Variants in EPHA6 observed in about 807,000 individuals in gnomAD.
EPHA6 encodes the protein EPH receptor A6, also known as ephrin type-A receptor 6.
EPHA6 carries 50 observed loss-of-function variants against 112.0 expected under a neutral mutation model. That is an observed-to-expected ratio of 0.45 (90% CI 0.36 to 0.56). The LOEUF is 0.56. Ranked by LOEUF, EPHA6 falls within the 20% of genes least tolerant of loss-of-function variation. The pLI, the probability that EPHA6 is intolerant of heterozygous loss-of-function variation, is 0.00. For synonymous variants in EPHA6, 529 were observed against 490.7 expected (o/e 1.08, Z -1.03); for missense variants, 1,280 against 1,417.4 (o/e 0.90, Z 1.56).
At position 97,755,577 on chromosome 3, in the gene EPHA6, C is replaced by T. The variant is rs1352841012; in HGVS notation, c.*6876C>T. On this transcript the variant is annotated 3_prime_UTR_variant, in exon 18 of 18. Transcript: ENST00000389672. The stretch of plus-strand genomic sequence containing the variant: ...ACAGGGTCTCCATCTCATTATCCCT[C>T]GCTGAAGTGAGAACTATCTTTATCC... Among the ~76,000 whole-genome samples the T allele has an allele frequency of 6.6e-6, 1 of 152,080 alleles. No homozygotes were observed. The highest frequency in any genetic ancestry group is 2.4e-5 in the African/African-American group (1 of 41,400).
At chr3:97,318,406 C>T (rs780634371) in intron 5 of EPHA6, among the ~76,000 whole-genome samples, 26 of 151,978 alleles carry the variant, frequency 1.7e-4, no homozygotes, top group Non-Finnish European at 3.2e-4. Flanking sequence ...GCCTCTGGTG[C>T]CCACCTATCG....
At chr3:97,528,127 G>A (rs1326706076) in intron 10 of EPHA6, among the ~76,000 whole-genome samples, 1 of 152,072 alleles carries the variant, frequency 6.6e-6, no homozygotes, top group Non-Finnish European at 1.5e-5. Context: ...GTTTTGGGGT[G>A]GCACAATGAC....
chr3:97,052,136 C>G (rs549081954), intron 3 of EPHA6, among the ~76,000 whole-genome samples: 22 of 152,018 alleles, frequency 1.4e-4, no homozygotes, highest in Non-Finnish European at 3.2e-4. Context: ...TAATAGGTGA[C>G]CAAACTGGGA....
At chr3:97,010,332 A>G (rs1399417220) in intron 3 of EPHA6, among the ~76,000 whole-genome samples, 1 of 152,172 alleles carries the variant, frequency 6.6e-6, no homozygotes, top group Non-Finnish European at 1.5e-5. Flanking sequence ...AATACAGCCA[A>G]GTTATTCATT....
chr3:97,747,323 A>T (rs753948911), intron 16 of EPHA6, 100 bp from the exon 17 acceptor site: 1 of 1,017,372 alleles, frequency 9.8e-7, no homozygotes, highest in Non-Finnish European at 1.3e-6. Context: ...AAAACATTAG[A>T]TGTAAGAATA....
intron 5 of EPHA6, among the ~76,000 whole-genome samples, chr3:97,267,868 T>C (rs1273001384): frequency 6.6e-6 from 1 of 152,118 alleles, no homozygotes; most frequent in East Asian, 1.9e-4. Context: ...TGAAAATGCA[T>C]GACGAGATAA....
intron 1 of EPHA6, among the ~76,000 whole-genome samples, chr3:96,818,706 A>C (rs187475997): frequency 1.4e-3 from 208 of 152,058 alleles, no homozygotes; most frequent in African/African-American, 4.7e-3. Context: ...ACATTGAGGA[A>C]ATTTTTAAAG....
intron 5 of EPHA6, among the ~76,000 whole-genome samples, chr3:97,346,638 TG>T (rs2083546313): frequency 6.6e-6 from 1 of 151,432 alleles, no homozygotes; most frequent in African/African-American, 2.4e-5. Context: ...TTTACAAACA[TG>T]ACCCAACGTG....
chr3:97,094,387 T>A (rs2047173953), intron 3 of EPHA6, among the ~76,000 whole-genome samples: 1 of 152,108 alleles, frequency 6.6e-6, no homozygotes, highest in Admixed American at 6.6e-5. Flanking sequence ...AACAGTAACT[T>A]TTAATCACTT....
intron 5 of EPHA6, among the ~76,000 whole-genome samples, chr3:97,304,694 G>A (rs1298645235): frequency 1.3e-5 from 2 of 152,034 alleles, no homozygotes; most frequent in African/African-American, 4.8e-5. Flanking sequence ...CTATCGATAT[G>A]CACAAAATTG....
At chr3:97,131,672 C>T (rs2075626255) in intron 3 of EPHA6, among the ~76,000 whole-genome samples, 1 of 152,086 alleles carries the variant, frequency 6.6e-6, no homozygotes, top group Non-Finnish European at 1.5e-5. Context: ...ATTATCTAGG[C>T]AATCTGCCAG....
chr3:97,040,546 G>T (rs538428854), intron 3 of EPHA6, among the ~76,000 whole-genome samples: 22 of 152,044 alleles, frequency 1.4e-4, no homozygotes, highest in African/African-American at 5.3e-4. Context: ...AATTCTTCAT[G>T]CTGTGGGAAC....
chr3:97,162,920 C>T (rs2076450704), intron 3 of EPHA6, among the ~76,000 whole-genome samples: 1 of 152,146 alleles, frequency 6.6e-6, no homozygotes, highest in African/African-American at 2.4e-5. Context: ...ATCTTGATGG[C>T]TGCTTCAGTT....
chr3:96,827,345 A>G (rs1289400037), intron 1 of EPHA6, among the ~76,000 whole-genome samples: 3 of 152,140 alleles, frequency 2.0e-5, no homozygotes, highest in Non-Finnish European at 4.4e-5. Context: ...ATTCCTTAAC[A>G]TTGAATATTT....
At chr3:96,844,733 A>G (rs2034969769) in intron 1 of EPHA6, among the ~76,000 whole-genome samples, 1 of 151,976 alleles carries the variant, frequency 6.6e-6, no homozygotes, top group African/African-American at 2.4e-5. Context: ...ACTGAACTTG[A>G]CTTTTGAAAG....
intron 5 of EPHA6, among the ~76,000 whole-genome samples, chr3:97,283,880 A>C (rs1198991857): frequency 6.6e-6 from 1 of 152,184 alleles, no homozygotes; most frequent in Admixed American, 6.5e-5. Flanking sequence ...CTAGGCCTCA[A>C]TTCAGTCAAC....
At chr3:96,934,541 T>A (rs867201900) in intron 2 of EPHA6, among the ~76,000 whole-genome samples, 1 of 151,602 alleles carries the variant, frequency 6.6e-6, no homozygotes, top group African/African-American at 2.4e-5. Context: ...CAGAACTAGC[T>A]ACTTTACTGG....
intron 14 of EPHA6, among the ~76,000 whole-genome samples, chr3:97,690,610 G>A (rs1347969989): frequency 6.6e-6 from 1 of 152,038 alleles, no homozygotes; most frequent in African/African-American, 2.4e-5. Context: ...TGGGATTACA[G>A]GCTCACACCA....
At chr3:97,717,967 C>G (rs2034325169) in intron 14 of EPHA6, among the ~76,000 whole-genome samples, 1 of 152,100 alleles carries the variant, frequency 6.6e-6, no homozygotes, top group Admixed American at 6.5e-5. Flanking sequence ...ATAGAACCCA[C>G]AAAGATTTAG....
Sources: allele counts gnomAD v4.1 joint callset (sites outside exome capture counted in the v4.1 genomes callset), GRCh38; gene constraint gnomAD v4.1.1; transcripts MANE v1.5; gene names NCBI Gene and HGNC (gene_info 2026-07-23, HGNC 2026-07-21).